EMP2: variants seen among roughly 807,000 people sequenced by gnomAD.
EMP2 encodes epithelial membrane protein 2.
A neutral mutation model predicts 13.7 loss-of-function variants in EMP2; 19 were observed. That is an observed-to-expected ratio of 1.38 (90% CI 0.97 to 2.03). The LOEUF (loss-of-function observed/expected upper bound fraction) is 2.03. Ranked by LOEUF, EMP2 falls within the 30% of genes most tolerant of loss-of-function variation. The pLI is 0.00. For missense variants in EMP2, 253 were observed against 220.7 expected, an observed-to-expected ratio of 1.15 and a Z score of -0.93; for synonymous variants, 97 against 84.7, an observed-to-expected ratio of 1.15 and a Z score of -0.80.
intron 1 of EMP2, among the ~76,000 whole-genome samples, 153 bp from the exon 2 acceptor site, chr16:10,547,830 T>C (rs921708439): frequency 6.6e-6 from 1 of 151,884 alleles, no homozygotes; most frequent in Non-Finnish European, 1.5e-5. Flanking sequence ...CCCAGGAGAT[T>C]GAGACCAGCC....
In EMP2 at chr16:10,555,027, T is replaced by C. The variant is rs75647808; in HGVS notation, c.-60-7350A>G. Among the ~76,000 whole-genome samples the C allele has an allele frequency of 2.2e-3, 333 of 152,324 alleles. 3 individuals carry two copies. Among genetic ancestry groups the C allele is most frequent in the African/African-American group, 7.4e-3 (308 of 41,574 alleles). ...CTCTGACAGCTATTTGCTATCATTG[T>C]CCAGTTCTAGAAATGTAGAGCTGTA... On this transcript the variant is annotated intron_variant, in intron 1 of 4. Coordinates refer to ENST00000359543, the MANE Select transcript of EMP2 (RefSeq NM_001424.6).
intron 3 of EMP2, among the ~76,000 whole-genome samples, chr16:10,539,638 G>A (rs1283384755): frequency 6.6e-6 from 1 of 151,990 alleles, no homozygotes; most frequent in Non-Finnish European, 1.5e-5. Flanking sequence ...TTACGTGGGT[G>A]TTTATACAAT....
rs571649070 is a variant in EMP2, at chr16:10,539,742, C to G, written c.170-1668G>C. ...AAAAAAAGAAAAAGAAAAAGAAAACCCAGCAGGCTCTACTGAGATGAAATA... is the reference window on the plus strand; with the variant it reads ...AAAAAAAGAAAAAGAAAAAGAAAACGCAGCAGGCTCTACTGAGATGAAATA... On this transcript the variant is annotated intron_variant, in intron 3 of 4. Transcript: ENST00000359543. 1.3e-4 allele frequency among the ~76,000 whole-genome samples: 19 copies of G among 151,944 alleles called. No homozygotes were observed. The South Asian group carries it at 1.5e-3, about 12-fold the overall frequency.
At chr16:10,549,601 C>A (rs772193210) in intron 1 of EMP2, among the ~76,000 whole-genome samples, 2 of 151,638 alleles carry the variant, frequency 1.3e-5, no homozygotes, top group Admixed American at 6.6e-5. Flanking sequence ...ATAGTTACTA[C>A]ATTTTTTTGG....
intron 1 of EMP2, among the ~76,000 whole-genome samples, chr16:10,549,093 C>T (rs1297858209): frequency 3.3e-5 from 5 of 152,186 alleles, no homozygotes; most frequent in Admixed American, 2.6e-4. Context: ...ATGGTGCAGC[C>T]ATAGTAGGTT....
chr16:10,558,093 A>G (rs976475122), intron 1 of EMP2, among the ~76,000 whole-genome samples: 4 of 151,352 alleles, frequency 2.6e-5, no homozygotes, highest in Non-Finnish European at 4.4e-5. Flanking sequence ...GCAGTGGCTC[A>G]AACATTGCTC....
chr16:10,566,175 G>T (rs989214785), intron 1 of EMP2, among the ~76,000 whole-genome samples: 1 of 152,170 alleles, frequency 6.6e-6, no homozygotes, highest in Admixed American at 6.5e-5. Flanking sequence ...TCAGTCATTT[G>T]TCTACCACCT....
chr16:10,549,554 G>C (rs1169065630), intron 1 of EMP2, among the ~76,000 whole-genome samples: 1 of 152,004 alleles, frequency 6.6e-6, no homozygotes, highest in Non-Finnish European at 1.5e-5. Flanking sequence ...ATCAACACTT[G>C]GTTCATTCTT....
Position 10,543,558 on chromosome 16 carries a change from A to T in EMP2, c.169+12T>A, listed in dbSNP as rs763459541. ...CAGTGCTTCTCAGTCAGCTTCCTTC[A>T]TTCACACTTACCTTGAAAGCTGTCA... On this transcript the variant is annotated intron_variant, in intron 3 of 4. Coordinates refer to ENST00000359543, the MANE Select transcript of EMP2 (RefSeq NM_001424.6). The T allele has an allele frequency of 6.4e-5, 104 of 1,613,882 alleles. No individual in the cohort carries two copies. The Middle Eastern group carries it at 1.8e-3, about 28-fold the overall frequency.
intron 1 of EMP2, among the ~76,000 whole-genome samples, chr16:10,563,196 ATT>A (rs2050884639): frequency 6.6e-6 from 1 of 151,784 alleles, no homozygotes; most frequent in South Asian, 2.1e-4. Context: ...TATTATTATT[ATT>A]ATTATTATTT....
chr16:10,541,403 AGG>A (rs898004056), intron 3 of EMP2, among the ~76,000 whole-genome samples: 1 of 152,112 alleles, frequency 6.6e-6, no homozygotes, highest in African/African-American at 2.4e-5. Context: ...TTTTGTTTTT[AGG>A]GGTGTGTGTG....
At chr16:10,550,336 C>A (rs2142186572) in intron 1 of EMP2, among the ~76,000 whole-genome samples, 1 of 152,298 alleles carries the variant, frequency 6.6e-6, no homozygotes, top group South Asian at 2.1e-4. Flanking sequence ...CCCCAGGATC[C>A]AATCCAAGCT....
At chr16:10,535,943 C>A (rs919852683) in intron 4 of EMP2, among the ~76,000 whole-genome samples, 1 of 152,198 alleles carries the variant, frequency 6.6e-6, no homozygotes, top group Non-Finnish European at 1.5e-5. Flanking sequence ...AATCCCCAGG[C>A]TCTAACCCAG....
In EMP2 at chr16:10,547,687, G is replaced by A; in HGVS notation, c.-60-10C>T. On this transcript the variant is annotated splice_polypyrimidine_tract_variant and intron_variant, in intron 1 of 4. Coordinates refer to ENST00000359543, the MANE Select transcript of EMP2 (RefSeq NM_001424.6). ...CCCAGAGCGGGATGTGCTGAAGAGG[G>A]TAAGAAAGAGAAATTCAAAATCTGT... 1 of 1,457,720 alleles carries A rather than the reference G, an allele frequency of 6.9e-7. No homozygotes were observed. The highest frequency in any genetic ancestry group is 1.2e-5 in the South Asian group (1 of 82,574). The allele number at this position is 1,457,720 out of a possible 1,614,324, so 90.3% of individuals were successfully genotyped here.
Position 10,552,149 on chromosome 16 carries a change from C to G in EMP2, c.-60-4472G>C, listed in dbSNP as rs112042159. ...TTTTTTTTTTTTAATAGATGCATTTCTGACCCTGGGGGGAAAAAGGGCTCA... is the reference window on the plus strand; with the variant it reads ...TTTTTTTTTTTTAATAGATGCATTTGTGACCCTGGGGGGAAAAAGGGCTCA... On this transcript the variant is annotated intron_variant, in intron 1 of 4. Transcript: ENST00000359543. Among the ~76,000 whole-genome samples, 1,066 of 138,546 alleles carry G rather than the reference C, an allele frequency of 7.7e-3. 10 individuals are homozygous for G. The highest frequency in any genetic ancestry group is 0.027 in the African/African-American group (1,015 of 37,518). 90.9% of individuals were successfully genotyped at this position (138,546 alleles called of 152,430 possible).
intron 1 of EMP2, among the ~76,000 whole-genome samples, chr16:10,548,844 C>G (rs1478245681): frequency 6.6e-6 from 1 of 152,250 alleles, no homozygotes; most frequent in Non-Finnish European, 1.5e-5. Context: ...TTTCCCCTCT[C>G]TGATCACACA....
chr16:10,548,338 A>C (rs1043686953), intron 1 of EMP2, among the ~76,000 whole-genome samples: 1 of 152,194 alleles, frequency 6.6e-6, no homozygotes, highest in Non-Finnish European at 1.5e-5. Flanking sequence ...CCCCTACTTC[A>C]TAACAAAGCA....
At chr16:10,577,737 G>A (rs1473346834) in intron 1 of EMP2, among the ~76,000 whole-genome samples, 1 of 152,036 alleles carries the variant, frequency 6.6e-6, no homozygotes, top group Non-Finnish European at 1.5e-5. Context: ...GCATCCCGAG[G>A]CTGGCCTTTA....
intron 1 of EMP2, among the ~76,000 whole-genome samples, chr16:10,577,170 A>G (rs2050989422): frequency 6.6e-6 from 1 of 152,118 alleles, no homozygotes; most frequent in Non-Finnish European, 1.5e-5. Context: ...GAGTGTCCCT[A>G]GCTGTCAGTG....
Sources: allele counts gnomAD v4.1 joint callset (sites outside exome capture counted in the v4.1 genomes callset), GRCh38; gene constraint gnomAD v4.1.1; transcripts MANE v1.5; gene names NCBI Gene and HGNC (gene_info 2026-07-23, HGNC 2026-07-21).